The following SDK1 variants were observed in gnomAD, a reference collection of about 807,000 sequenced individuals.
SDK1 encodes sidekick cell adhesion molecule 1.
In SDK1, 157 loss-of-function variants were observed where a neutral mutation model predicts 245.5. That is an observed-to-expected ratio of 0.64 (90% CI 0.56 to 0.73). The LOEUF (loss-of-function observed/expected upper bound fraction) is 0.73, where lower values mean the gene tolerates loss of function less well. Among genes scored for constraint, SDK1 ranks in the 30% least tolerant of loss-of-function variants. The pLI is 0.00. For missense variants in SDK1, 3,583 were observed against 3,002.3 expected (o/e 1.19, Z -4.52); for synonymous variants, 1,647 against 1,278.5 (o/e 1.29, Z -6.15).
intron 1 of SDK1, among the ~76,000 whole-genome samples, chr7:3,339,896 A>G (rs1253030473): frequency 1.3e-5 from 2 of 152,082 alleles, no homozygotes; most frequent in Non-Finnish European, 2.9e-5. Context: ...AAAAAGAAAA[A>G]TCATAAAAAT....
intron 4 of SDK1, among the ~76,000 whole-genome samples, chr7:3,661,507 A>T (rs1783354781): frequency 6.6e-6 from 1 of 152,198 alleles, no homozygotes; most frequent in Non-Finnish European, 1.5e-5. Flanking sequence ...TAAGTTGTAA[A>T]TGCCCTGGAT....
chr7:3,609,696 A>T (rs541130596), intron 1 of SDK1, among the ~76,000 whole-genome samples: 1 of 122,292 alleles, frequency 8.2e-6, no homozygotes, highest in South Asian at 2.8e-4. Context: ...TACGGTGCCC[A>T]GCCTCCCCAC....
chr7:4,175,945 C>A, intron 34 of SDK1, 111 bp downstream of exon 34: 1 of 869,004 alleles, frequency 1.2e-6, no homozygotes, highest in Non-Finnish European at 1.9e-6. Context: ...GGCTCCAGTT[C>A]TGGAATCGCC....
chr7:3,968,052 G>T (rs1447605780), intron 10 of SDK1, among the ~76,000 whole-genome samples: 1 of 152,252 alleles, frequency 6.6e-6, no homozygotes, highest in East Asian at 1.9e-4. Flanking sequence ...GCCTCCTCGG[G>T]CCTTACCGTG....
At chr7:3,741,206 C>T (rs891274390) in intron 4 of SDK1, among the ~76,000 whole-genome samples, 2 of 152,186 alleles carry the variant, frequency 1.3e-5, no homozygotes, top group African/African-American at 4.8e-5. Flanking sequence ...GACAGTCTTT[C>T]CCTCTAACCA....
chr7:3,726,530 G>A (rs913961204), intron 4 of SDK1, among the ~76,000 whole-genome samples: 5 of 152,162 alleles, frequency 3.3e-5, no homozygotes, highest in African/African-American at 1.2e-4. Context: ...ACTTTCTAAA[G>A]TATTTGTTTT....
chr7:4,071,173 C>T (rs569541389), intron 20 of SDK1, among the ~76,000 whole-genome samples: 19 of 151,926 alleles, frequency 1.3e-4, no homozygotes, highest in East Asian at 1.9e-4. Flanking sequence ...TACAGGTGTG[C>T]GCCACCACAC....
intron 4 of SDK1, among the ~76,000 whole-genome samples, chr7:3,781,714 C>G (rs1416280270): frequency 6.6e-6 from 1 of 151,140 alleles, no homozygotes; most frequent in Non-Finnish European, 1.5e-5. Flanking sequence ...GAAATTTGAC[C>G]AAAAATAGAA....
intron 5 of SDK1, among the ~76,000 whole-genome samples, chr7:3,894,417 C>T (rs1004803165): frequency 6.6e-6 from 1 of 151,316 alleles, no homozygotes; most frequent in African/African-American, 2.4e-5. Context: ...CTGACAGCCT[C>T]TGCAGGGCCT....
At chr7:4,167,589 G>A (rs2128214995) in intron 32 of SDK1, among the ~76,000 whole-genome samples, 1 of 152,314 alleles carries the variant, frequency 6.6e-6, no homozygotes, top group South Asian at 2.1e-4. Context: ...ACACACAGAT[G>A]AGGTCATGTT....
rs547959189 is a variant in SDK1 at position 3,686,406 on chromosome 7, G to A, written c.713+44301G>A. The stretch of plus-strand genomic sequence containing the variant: ...AAACGTTACTTTTTTAAAAATGCAG[G>A]AGCGTCTGTATTAACATCAGACAGA... On this transcript the variant is annotated intron_variant, in intron 4 of 44. Transcript: ENST00000404826. 8.5e-5 allele frequency among the ~76,000 whole-genome samples: 13 copies of A among 152,254 alleles called. No individual in the cohort carries two copies. The South Asian group carries it at 2.5e-3, about 29-fold the overall frequency.
chr7:3,901,663 A>G (rs1170040156), intron 5 of SDK1, among the ~76,000 whole-genome samples: 1 of 152,178 alleles, frequency 6.6e-6, no homozygotes, highest in Non-Finnish European at 1.5e-5. Context: ...TAATACCTTG[A>G]AACTATGGGA....
rs534421739 is a variant in SDK1, at chr7:3,505,967, G to C, written c.299-113113G>C. On this transcript the variant is annotated intron_variant, in intron 1 of 44. Coordinates refer to ENST00000404826, the MANE Select transcript of SDK1 (RefSeq NM_152744.4). ...ATATTTATTTTTATGTTTGTTATAA[G>C]CTCTACAATACATTTTTATTTTTGC... 2.5e-3 allele frequency among the ~76,000 whole-genome samples: 375 copies of C among 151,982 alleles called. 1 individual carries two copies. The highest frequency in any genetic ancestry group is 0.01 in the Middle Eastern group (3 of 294).
At chr7:4,253,633 T>A (rs988660322) in intron 44 of SDK1, among the ~76,000 whole-genome samples, 2 of 152,204 alleles carry the variant, frequency 1.3e-5, no homozygotes, top group African/African-American at 4.8e-5. Flanking sequence ...GTGTTCTGTA[T>A]GTGTCTGTAG....
rs1301355161 is a variant in SDK1, at chr7:3,929,272, C to T, written c.848-21651C>T. The stretch of plus-strand genomic sequence containing the variant: ...GACTTGATGAAGCGTTGCTCTTGAT[C>T]TACAGATTCCTCGGTGTGTTGTGGA... On this transcript the variant is annotated intron_variant, in intron 5 of 44. Coordinates refer to ENST00000404826, the MANE Select transcript of SDK1 (RefSeq NM_152744.4). Among the ~76,000 whole-genome samples, 6 of 152,222 alleles carry T rather than the reference C, an allele frequency of 3.9e-5. No individual in the cohort carries two copies. In the South Asian group the frequency reaches 1.2e-3, roughly 32 times the overall value.
At chr7:3,990,169 C>T (rs769510017) in intron 14 of SDK1, among the ~76,000 whole-genome samples, 4 of 152,244 alleles carry the variant, frequency 2.6e-5, no homozygotes, top group Non-Finnish European at 4.4e-5. Flanking sequence ...ACCAGTTCAC[C>T]GAGGGAAGGC....
chr7:3,349,320 A>G lies in SDK1; in HGVS notation c.298+47436A>G, dbSNP rs964178339. ...TCACCCTTATTAGACTGTGGTTCAT[A>G]ATCACTTAAAGAGAACGTCATTCTT... On this transcript the variant is annotated intron_variant, in intron 1 of 44. Coordinates refer to ENST00000404826, the MANE Select transcript of SDK1 (RefSeq NM_152744.4). Among the ~76,000 whole-genome samples, 67 of 152,122 alleles carry G rather than the reference A, an allele frequency of 4.4e-4. 1 individual carries two copies. The highest frequency in any genetic ancestry group is 2.1e-4 in the South Asian group (1 of 4,832).
At chr7:3,710,020 C>A (rs896094105) in intron 4 of SDK1, among the ~76,000 whole-genome samples, 12 of 152,200 alleles carry the variant, frequency 7.9e-5, no homozygotes, top group African/African-American at 2.9e-4. Context: ...TGACATATTA[C>A]TTGACTATAA....
At chr7:4,101,162 T>G (rs188411588) in intron 22 of SDK1, among the ~76,000 whole-genome samples, 1 of 151,780 alleles carries the variant, frequency 6.6e-6, no homozygotes, top group South Asian at 2.1e-4. Context: ...TTTTTTTTTT[T>G]TTTTGAGACG....
Sources: gnomAD v4.1 joint callset for allele counts (sites outside exome capture counted in the v4.1 genomes callset) on GRCh38, gnomAD v4.1.1 for gene constraint, MANE v1.5 for transcripts, NCBI Gene and HGNC (gene_info 2026-07-23, HGNC 2026-07-21) for gene names.